FYN: variants seen among roughly 807,000 people sequenced by gnomAD.
FYN encodes the protein FYN proto-oncogene, Src family tyrosine kinase.
In FYN, 10 loss-of-function variants were observed where a neutral mutation model predicts 70.2. That is an observed-to-expected ratio of 0.14 (90% CI 0.09 to 0.24). The LOEUF (loss-of-function observed/expected upper bound fraction) is 0.24. FYN is among the 10% of genes least tolerant of loss of function. The pLI is 1.00. For synonymous variants in FYN, 236 were observed against 248.6 expected (o/e 0.95, Z 0.48); for missense variants, 319 against 673.1 (o/e 0.47, Z 5.82).
Position 111,853,839 on chromosome 6 carries a change from G to A in FYN, c.-122-7210C>T, listed in dbSNP as rs529866305. Among the ~76,000 whole-genome samples the A allele has an allele frequency of 1.4e-4, 21 of 152,236 alleles. No homozygotes were observed. The South Asian group carries it at 3.5e-3, about 26-fold the overall frequency. ...TCACTGTGTTGCCCAGGCTGGTCAC[G>A]AATTTCTGCCTTGAAGTGATCCTCC... On this transcript the variant is annotated intron_variant, in intron 1 of 13. Transcript: ENST00000354650.
At chr6:111,741,100 CAAAA>C (rs201418574) in intron 3 of FYN, 4 of 102,990 alleles carry the variant, frequency 3.9e-5, no homozygotes, top group Admixed American at 1.0e-4. Context: ...GACCCTGTCT[CAAAA>C]AAAAAAAAAA....
intron 3 of FYN, among the ~76,000 whole-genome samples, chr6:111,744,347 T>C (rs1295034400): frequency 1.3e-5 from 2 of 152,256 alleles, no homozygotes; most frequent in Non-Finnish European, 2.9e-5. Flanking sequence ...TTAAGTTTCA[T>C]AACATATATT....
chr6:111,746,514 G>A (rs1177735332), intron 3 of FYN, among the ~76,000 whole-genome samples: 1 of 152,170 alleles, frequency 6.6e-6, no homozygotes, highest in Non-Finnish European at 1.5e-5. Flanking sequence ...GCTGCTGAGT[G>A]GCATAGTAGT....
chr6:111,691,949 T>C (rs139433651), intron 12 of FYN, among the ~76,000 whole-genome samples: 253 of 152,302 alleles, frequency 1.7e-3, no homozygotes, highest in African/African-American at 5.8e-3. Context: ...CTATTCCTAT[T>C]GTTTCCCTGC....
intron 2 of FYN, among the ~76,000 whole-genome samples, chr6:111,832,275 A>G (rs1404336047): frequency 1.3e-5 from 2 of 152,192 alleles, no homozygotes; most frequent in Non-Finnish European, 2.9e-5. Flanking sequence ...TCATTCCTAG[A>G]TATTTCATAT....
chr6:111,871,087 G>A (rs1255858189), intron 1 of FYN, among the ~76,000 whole-genome samples: 2 of 152,098 alleles, frequency 1.3e-5, no homozygotes, highest in Non-Finnish European at 2.9e-5. Flanking sequence ...AAAAATAGTC[G>A]AGGAGCCATA....
intron 9 of FYN, 197 bp from the exon 10 acceptor site, chr6:111,696,653 C>A: frequency 2.1e-6 from 1 of 468,284 alleles, no homozygotes; most frequent in South Asian, 4.1e-5. Context: ...GTGGTTATGG[C>A]TAAGATGGCT....
intron 3 of FYN, among the ~76,000 whole-genome samples, chr6:111,744,025 C>G (rs1050894774): frequency 6.6e-6 from 1 of 152,172 alleles, no homozygotes; most frequent in Admixed American, 6.5e-5. Flanking sequence ...GAGATTGGAC[C>G]GCACAGTATT....
intron 3 of FYN, among the ~76,000 whole-genome samples, chr6:111,758,091 T>C (rs920956965): frequency 2.6e-5 from 4 of 152,220 alleles, no homozygotes; most frequent in African/African-American, 7.2e-5. Context: ...TTTAAAAATA[T>C]GTTAAAAGCC....
chr6:111,724,366 G>C (rs1801095810), intron 3 of FYN, among the ~76,000 whole-genome samples: 1 of 152,084 alleles, frequency 6.6e-6, no homozygotes, highest in Non-Finnish European at 1.5e-5. Flanking sequence ...AGGGTGCTTC[G>C]ATCCAAGATG....
intron 2 of FYN, among the ~76,000 whole-genome samples, chr6:111,833,127 T>C (rs1244826181): frequency 6.6e-6 from 1 of 152,198 alleles, no homozygotes; most frequent in African/African-American, 2.4e-5. Flanking sequence ...GAAGCCAATA[T>C]GCTCACCAGG....
chr6:111,850,742 A>C (rs1323667471), intron 1 of FYN, among the ~76,000 whole-genome samples: 7 of 152,200 alleles, frequency 4.6e-5, no homozygotes, highest in Admixed American at 2.0e-4. Flanking sequence ...CCACTCTCAC[A>C]GGGCTCCCTG....
At chr6:111,668,687 C>T (rs1218236746) in intron 13 of FYN, among the ~76,000 whole-genome samples, 1 of 152,104 alleles carries the variant, frequency 6.6e-6, no homozygotes, top group Non-Finnish European at 1.5e-5. Flanking sequence ...ACTAGACATG[C>T]TGGCCAAGAG....
chr6:111,684,407 T>C (rs974167857), intron 12 of FYN, among the ~76,000 whole-genome samples: 11 of 151,926 alleles, frequency 7.2e-5, no homozygotes, highest in Non-Finnish European at 1.3e-4. Context: ...GGTCCATCAG[T>C]GGGTATTAAA....
At chr6:111,717,859 G>A (rs1354880795) in intron 4 of FYN, among the ~76,000 whole-genome samples, 1 of 152,228 alleles carries the variant, frequency 6.6e-6, no homozygotes, top group Non-Finnish European at 1.5e-5. Context: ...ACAGAGAAGA[G>A]TGGGGCTTGT....
intron 2 of FYN, among the ~76,000 whole-genome samples, chr6:111,796,363 T>G (rs1180341801): frequency 6.6e-6 from 1 of 152,260 alleles, no homozygotes; most frequent in Non-Finnish European, 1.5e-5. Context: ...TATTTACCAT[T>G]GTGTTATAAT....
In FYN at chr6:111,694,709, G is replaced by T; in HGVS notation, c.1043-5C>A. The T allele has an allele frequency of 6.2e-7, 1 of 1,602,166 alleles. No individual in the cohort carries two copies. The highest frequency in any genetic ancestry group is 8.5e-7 in the Non-Finnish European group (1 of 1,171,252). On this transcript the variant is annotated splice_region_variant and splice_polypyrimidine_tract_variant and intron_variant, in intron 10 of 13. Transcript: ENST00000354650. This position sits in a 1 kb window ranked among gnomAD's most constrained non-coding sequence, Gnocchi z 5.0. ...TTAAGAAATCCAGTAAACTTCCTAT[G>T]AACAAAACATAAAATCATTTCAATT... is the stretch of plus-strand genomic sequence containing the variant.
chr6:111,665,080 G>A (rs779814255), intron 13 of FYN, among the ~76,000 whole-genome samples: 6 of 152,196 alleles, frequency 3.9e-5, no homozygotes, highest in Non-Finnish European at 8.8e-5. Context: ...AATGGATTGT[G>A]TTAATTCAGG....
intron 2 of FYN, among the ~76,000 whole-genome samples, chr6:111,817,397 G>A (rs937580421): frequency 3.9e-5 from 6 of 152,120 alleles, no homozygotes; most frequent in Non-Finnish European, 7.4e-5. Context: ...AAGTACTATC[G>A]TACTAAAAGT....
Sources: gnomAD v4.1 joint callset for allele counts (sites outside exome capture counted in the v4.1 genomes callset) on GRCh38, gnomAD v4.1.1 for gene constraint, Gnocchi (gnomAD v3.1) non-coding constraint, MANE v1.5 for transcripts, NCBI Gene and HGNC (gene_info 2026-07-23, HGNC 2026-07-21) for gene names.